ZNF385D: variants seen among roughly 807,000 people sequenced by gnomAD.
ZNF385D encodes the protein zinc finger protein 385D.
ZNF385D carries 15 observed loss-of-function variants against 35.8 expected under a neutral mutation model. The observed-to-expected ratio is 0.42, with a 90% CI of 0.28 to 0.64. The LOEUF (loss-of-function observed/expected upper bound fraction) is 0.64. ZNF385D is among the 30% of genes least tolerant of loss of function. The pLI is 0.23. For missense variants in ZNF385D, 474 were observed against 494.6 expected, an observed-to-expected ratio of 0.96 and a Z score of 0.39; for synonymous variants, 212 against 186.8, an observed-to-expected ratio of 1.13 and a Z score of -1.10.
At chr3:21,518,373 G>A (rs767400128) in intron 3 of ZNF385D, among the ~76,000 whole-genome samples, 17 of 152,062 alleles carry the variant, frequency 1.1e-4, no homozygotes, top group Non-Finnish European at 4.4e-5. Context: ...AAGTCCTTGC[G>A]ATTTTCTCTT....
At chr3:21,988,865 C>T (rs911179345) in intron 3 of ZNF385D, among the ~76,000 whole-genome samples, 1 of 152,232 alleles carries the variant, frequency 6.6e-6, no homozygotes, top group Admixed American at 6.5e-5. Context: ...GGGATATACT[C>T]TCGTGGTGCG....
Position 22,372,497 on chromosome 3 carries a change from C to G in ZNF385D, c.59G>C (p.Gly20Ala), listed in dbSNP as rs1012907208. ...CGCCCCCAGGAGCTTTTCTCTCCTT[C>G]CTCCCACCGAGCTCTTCATTCTCCT... is the stretch of plus-strand genomic sequence containing the variant. Residue 20 changes from glycine to alanine, a missense_variant, in exon 2 of 6, where the codon GGA becomes GCA. Transcript: ENST00000494108. 323 of 985,752 alleles carry G rather than the reference C, an allele frequency of 3.3e-4. 2 individuals are homozygous for G. The highest frequency in any genetic ancestry group is 9.3e-5 in the Non-Finnish European group (77 of 829,948). The allele number at this position is 985,752 out of a possible 1,614,324, so 61.1% of individuals were successfully genotyped here. A position where few individuals can be genotyped will look rare whatever the true frequency, so the allele number is the denominator to read the frequency against.
intron 2 of ZNF385D, among the ~76,000 whole-genome samples, chr3:22,290,785 G>A (rs1164601223): frequency 2.0e-5 from 3 of 151,430 alleles, no homozygotes; most frequent in Non-Finnish European, 4.4e-5. Context: ...ATGTTTATTT[G>A]GTGTGTTGAT....
intron 4 of ZNF385D, among the ~76,000 whole-genome samples, chr3:21,484,634 G>T (rs762709087): frequency 4.6e-5 from 7 of 152,166 alleles, no homozygotes; most frequent in African/African-American, 7.2e-5. Context: ...CCCTTTGGAG[G>T]GGGGACTGCC....
intron 3 of ZNF385D, among the ~76,000 whole-genome samples, chr3:21,805,991 A>G (rs568227120): frequency 2.0e-5 from 3 of 152,146 alleles, no homozygotes; most frequent in Non-Finnish European, 4.4e-5. Context: ...TAAAAATACA[A>G]TGTCTATAAA....
chr3:22,027,310 A>G (rs956597255), intron 3 of ZNF385D, among the ~76,000 whole-genome samples: 1 of 152,156 alleles, frequency 6.6e-6, no homozygotes, highest in Non-Finnish European at 1.5e-5. Flanking sequence ...TTAGTTTTGA[A>G]TGGGGTCCCG....
At chr3:22,268,516 C>T (rs1174511452) in intron 2 of ZNF385D, among the ~76,000 whole-genome samples, 1 of 151,964 alleles carries the variant, frequency 6.6e-6, no homozygotes, top group Non-Finnish European at 1.5e-5. Context: ...ACTGCCACAA[C>T]TACTCACCCC....
intron 3 of ZNF385D, among the ~76,000 whole-genome samples, chr3:21,983,207 A>T (rs1694604023): frequency 6.9e-6 from 1 of 145,348 alleles, no homozygotes; most frequent in African/African-American, 2.5e-5. Context: ...GTACATGTGC[A>T]CATTGTGCAG....
chr3:22,122,332 T>C (rs1703133309), intron 3 of ZNF385D, among the ~76,000 whole-genome samples: 1 of 152,174 alleles, frequency 6.6e-6, no homozygotes, highest in Non-Finnish European at 1.5e-5. Context: ...AAATTGTTTT[T>C]TTTCCACTGT....
chr3:22,028,778 T>C (rs1395035029), intron 3 of ZNF385D, among the ~76,000 whole-genome samples: 1 of 152,188 alleles, frequency 6.6e-6, no homozygotes, highest in Non-Finnish European at 1.5e-5. Flanking sequence ...TCACTGGTCT[T>C]CCCATGTTCC....
intron 3 of ZNF385D, among the ~76,000 whole-genome samples, chr3:22,081,504 T>C (rs997445279): frequency 6.6e-5 from 10 of 152,038 alleles, no homozygotes; most frequent in East Asian, 1.9e-4. Flanking sequence ...CTGAAGCGAG[T>C]TGAGCTAGCC....
At chr3:22,104,800 C>A (rs570579481) in intron 3 of ZNF385D, among the ~76,000 whole-genome samples, 1 of 152,130 alleles carries the variant, frequency 6.6e-6, no homozygotes, top group African/African-American at 2.4e-5. Flanking sequence ...ACGAAGTATA[C>A]TACCTGAAAG....
chr3:21,931,890 G>T (rs139183121), intron 3 of ZNF385D, among the ~76,000 whole-genome samples: 1 of 152,028 alleles, frequency 6.6e-6, no homozygotes, highest in African/African-American at 2.4e-5. Flanking sequence ...GGCCGGGCGC[G>T]GTGGCTCACA....
chr3:21,425,990 G>T (rs1328596178), intron 5 of ZNF385D, among the ~76,000 whole-genome samples: 5 of 152,126 alleles, frequency 3.3e-5, no homozygotes, highest in African/African-American at 1.2e-4. Flanking sequence ...GAGGGGAAAT[G>T]AAATGGGTGT....
intron 3 of ZNF385D, among the ~76,000 whole-genome samples, chr3:21,885,621 AT>A (rs528225037): frequency 2.1e-3 from 324 of 152,024 alleles, no homozygotes; most frequent in African/African-American, 7.2e-3. Flanking sequence ...GAAAAGTTTT[AT>A]ATATTTTATT....
intron 1 of ZNF385D, among the ~76,000 whole-genome samples, chr3:21,712,191 A>G (rs992656393): frequency 6.6e-6 from 1 of 152,128 alleles, no homozygotes; most frequent in Non-Finnish European, 1.5e-5. Flanking sequence ...TTCTGCCCTA[A>G]AACATCCTTC....
At chr3:22,172,557 G>A (rs1017700881) in intron 2 of ZNF385D, among the ~76,000 whole-genome samples, 2 of 152,172 alleles carry the variant, frequency 1.3e-5, no homozygotes, top group Admixed American at 1.3e-4. Context: ...AGACTGCCCT[G>A]AGAAGTGCTC....
chr3:22,194,437 C>T (rs1696267502), intron 2 of ZNF385D, among the ~76,000 whole-genome samples: 1 of 151,774 alleles, frequency 6.6e-6, no homozygotes, highest in Non-Finnish European at 1.5e-5. Flanking sequence ...CCTCAAATGG[C>T]TAACCAATTA....
At chr3:21,962,541 A>G (rs35255810) in intron 3 of ZNF385D, among the ~76,000 whole-genome samples, 21,715 of 152,240 alleles carry the variant, frequency 0.14, 1,783 homozygotes, top group Middle Eastern at 0.23. Context: ...AGCTTTGTAG[A>G]GAGAATTAGT....
Sources: gnomAD v4.1 joint callset for allele counts (sites outside exome capture counted in the v4.1 genomes callset) on GRCh38, gnomAD v4.1.1 for gene constraint, MANE v1.5 for transcripts, NCBI Gene and HGNC (gene_info 2026-07-23, HGNC 2026-07-21) for gene names.